The following PLA2G10 variants were observed in gnomAD, a reference collection of about 807,000 sequenced individuals.
The protein encoded by PLA2G10 is phospholipase A2 group X.
PLA2G10 carries 9 observed loss-of-function variants against 7.9 expected under a neutral mutation model. That is an observed-to-expected ratio of 1.14 (90% CI 0.68 to 1.98). The LOEUF is 1.98. Among genes scored for constraint, PLA2G10 ranks in the 30% most tolerant of loss-of-function variants. The probability of loss-of-function intolerance (pLI) is 0.00; values close to 1 mark genes in which losing one functional copy is unlikely to be tolerated. For missense variants in PLA2G10, 53 were observed against 65.4 expected (o/e 0.81, Z 0.66); for synonymous variants, 19 against 27.5 (o/e 0.69, Z 0.97).
At chr16:14,682,308 C>T (rs1960914785) in intron 3 of PLA2G10, among the ~76,000 whole-genome samples, 1 of 152,092 alleles carries the variant, frequency 6.6e-6, no homozygotes, top group African/African-American at 2.4e-5. Flanking sequence ...GTAGGCCGGG[C>T]GCGGTGGCTC....
chr16:14,687,339 T>G (rs1346055140), intron 3 of PLA2G10, among the ~76,000 whole-genome samples: 1 of 150,936 alleles, frequency 6.6e-6, no homozygotes, highest in Non-Finnish European at 1.5e-5. Flanking sequence ...TTTTTTTTTT[T>G]TTTTTTTGAG....
intron 3 of PLA2G10, among the ~76,000 whole-genome samples, chr16:14,680,101 C>CCT (rs542728119): frequency 1.4e-5 from 2 of 139,608 alleles, no homozygotes; most frequent in African/African-American, 2.6e-5. Context: ...TTTTGCTTTT[C>CCT]TTTTTTTTTT....
intron 3 of PLA2G10, among the ~76,000 whole-genome samples, chr16:14,683,236 G>GTTT (rs765772776): frequency 1.5e-5 from 2 of 135,074 alleles, no homozygotes; most frequent in Non-Finnish European, 1.6e-5. Context: ...TTCTTTTTTT[G>GTTT]TTTTTTTTTT....
intron 3 of PLA2G10, among the ~76,000 whole-genome samples, chr16:14,681,323 G>A (rs907116423): frequency 6.6e-6 from 1 of 152,142 alleles, no homozygotes; most frequent in Non-Finnish European, 1.5e-5. Context: ...TGAGGAAAGT[G>A]AGGCTTACAG....
chr16:14,672,912 C>G (rs1960628483), intron 3 of PLA2G10, among the ~76,000 whole-genome samples, 163 bp from the exon 4 acceptor site: 1 of 152,008 alleles, frequency 6.6e-6, no homozygotes, highest in Non-Finnish European at 1.5e-5. Flanking sequence ...CAGGTGATGT[C>G]AGCCCCATTT....
chr16:14,686,912 C>A (rs1876207185), intron 3 of PLA2G10, among the ~76,000 whole-genome samples: 1 of 152,010 alleles, frequency 6.6e-6, no homozygotes, highest in Admixed American at 6.5e-5. Flanking sequence ...ACAAGACCAG[C>A]CTGACCAACA....
Position 14,674,096 on chromosome 16 carries a change from A to G in PLA2G10, c.356-1347T>C, listed in dbSNP as rs191317099. ...CAATAAGGACTAAGCTGAGAATGAAATCAAGAACTCAGTCCCTTTTATAAT... is the reference window on the plus strand; with the variant it reads ...CAATAAGGACTAAGCTGAGAATGAAGTCAAGAACTCAGTCCCTTTTATAAT... On this transcript the variant is annotated intron_variant, in intron 3 of 3. Coordinates refer to ENST00000438167, the MANE Select transcript of PLA2G10 (RefSeq NM_003561.3). Among the ~76,000 whole-genome samples, 39 of 152,276 alleles carry G rather than the reference A, an allele frequency of 2.6e-4. No homozygotes were observed. In the East Asian group the frequency reaches 7.5e-3, roughly 29 times the overall value.
chr16:14,673,700 TCTC>T (rs1299771975), intron 3 of PLA2G10, among the ~76,000 whole-genome samples: 4 of 151,982 alleles, frequency 2.6e-5, no homozygotes, highest in East Asian at 3.8e-4. Context: ...GAAACATACT[TCTC>T]CTCAATATAC....
chr16:14,683,066 C>A (rs1960936967), intron 3 of PLA2G10, among the ~76,000 whole-genome samples: 1 of 151,952 alleles, frequency 6.6e-6, no homozygotes, highest in South Asian at 2.1e-4. Flanking sequence ...AAGACTCCAT[C>A]TCAAAACAAA....
chr16:14,675,737 G>C (rs1024102420), intron 3 of PLA2G10, among the ~76,000 whole-genome samples: 2 of 151,470 alleles, frequency 1.3e-5, no homozygotes, highest in East Asian at 3.9e-4. Context: ...TCAGGAGTTC[G>C]AGACCAGCCT....
intron 3 of PLA2G10, among the ~76,000 whole-genome samples, chr16:14,682,717 G>A (rs1027154756): frequency 4.6e-5 from 7 of 152,096 alleles, no homozygotes; most frequent in Non-Finnish European, 1.0e-4. Context: ...AGTTAGCAGG[G>A]GTCAGAGAGA....
rs573893237 is a variant in PLA2G10, at chr16:14,685,915, C to T, written c.355+2250G>A. On this transcript the variant is annotated intron_variant, in intron 3 of 3. Coordinates refer to ENST00000438167, the MANE Select transcript of PLA2G10 (RefSeq NM_003561.3). ...GTCTGGAACTCCTGACCTCGTGATC[C>T]GCCCACCTCAGCCTCCCAAAGTGTT... 2.5e-3 allele frequency among the ~76,000 whole-genome samples: 372 copies of T among 151,334 alleles called. 3 individuals carry two copies. The highest frequency in any genetic ancestry group is 7.7e-3 in the African/African-American group (317 of 41,252).
chr16:14,672,553 T>G lies in PLA2G10; in HGVS notation c.*54A>C. ...CAAATAACTGAATGCTGTTGTTCATTACTGAGAGGACGCTTTATTTCCTTG... is the reference window on the plus strand; with the variant it reads ...CAAATAACTGAATGCTGTTGTTCATGACTGAGAGGACGCTTTATTTCCTTG... On this transcript the variant is annotated 3_prime_UTR_variant, in exon 4 of 4. Coordinates refer to ENST00000438167, the MANE Select transcript of PLA2G10 (RefSeq NM_003561.3). 1 of 1,577,896 alleles carries G rather than the reference T, an allele frequency of 6.3e-7. No individual in the cohort carries two copies.
chr16:14,684,617 G>A (rs1035480975), intron 3 of PLA2G10, among the ~76,000 whole-genome samples: 1 of 152,134 alleles, frequency 6.6e-6, no homozygotes, highest in Non-Finnish European at 1.5e-5. Flanking sequence ...AGTGAGCCAC[G>A]ATCGTGCCAC....
intron 3 of PLA2G10, 81 bp from the exon 4 acceptor site, chr16:14,672,830 G>C: frequency 7.4e-7 from 1 of 1,348,456 alleles, no homozygotes; most frequent in South Asian, 1.3e-5. Context: ...AGGCAGGACG[G>C]GTCATAAATT....
chr16:14,675,906 T>G (rs1218828251), intron 3 of PLA2G10, among the ~76,000 whole-genome samples: 2 of 122,032 alleles, frequency 1.6e-5, no homozygotes, highest in African/African-American at 6.6e-5. Context: ...GTCACTGCGC[T>G]CCAGCCTAGG....
chr16:14,687,808 C>G, intron 3 of PLA2G10, among the ~76,000 whole-genome samples: 1 of 151,496 alleles, frequency 6.6e-6, no homozygotes, highest in Non-Finnish European at 1.5e-5. Flanking sequence ...ACCAGCCTGG[C>G]CAACTTGGTG....
intron 3 of PLA2G10, among the ~76,000 whole-genome samples, chr16:14,677,766 G>A (rs1022408920): frequency 2.6e-5 from 4 of 151,606 alleles, no homozygotes; most frequent in African/African-American, 7.3e-5. Flanking sequence ...ATGGATGGCT[G>A]GATAGATGGA....
chr16:14,678,926 C>T lies in PLA2G10; in HGVS notation c.356-6177G>A, dbSNP rs1424235574. ...TTCTGTCACTCTGGGGGACTCTGCTCCAGCCTCACCGAACTCCTTGTGATC... is the reference window on the plus strand; with the variant it reads ...TTCTGTCACTCTGGGGGACTCTGCTTCAGCCTCACCGAACTCCTTGTGATC... On this transcript the variant is annotated intron_variant, in intron 3 of 3. Transcript: ENST00000438167. Among the ~76,000 whole-genome samples, 11 of 152,234 alleles carry T rather than the reference C, an allele frequency of 7.2e-5. No homozygotes were observed. In the South Asian group the frequency reaches 8.3e-4, roughly 11 times the overall value.
Sources: gnomAD v4.1 joint callset for allele counts (sites outside exome capture counted in the v4.1 genomes callset) on GRCh38, gnomAD v4.1.1 for gene constraint, MANE v1.5 for transcripts, NCBI Gene and HGNC (gene_info 2026-07-23, HGNC 2026-07-21) for gene names.